The following DHX37 variants were observed in gnomAD, a reference collection of about 807,000 sequenced individuals.
DHX37 encodes the protein probable ATP-dependent RNA helicase DHX37.
In DHX37, 52 loss-of-function variants were observed where a neutral mutation model predicts 134.3. The ratio of observed to expected loss-of-function variants is 0.39; its 90% CI spans 0.31 to 0.49. The LOEUF (loss-of-function observed/expected upper bound fraction) is 0.49. DHX37 is among the 20% of genes least tolerant of loss of function. The pLI is 0.93. For synonymous variants in DHX37, 634 were observed against 670.7 expected (o/e 0.95, Z 0.85); for missense variants, 1,344 against 1,580.8 (o/e 0.85, Z 2.54).
chr12:124,954,824 G>C (rs1445434115), intron 18 of DHX37, among the ~76,000 whole-genome samples: 1 of 152,208 alleles, frequency 6.6e-6, no homozygotes, highest in Non-Finnish European at 1.5e-5. Flanking sequence ...TAACATATGT[G>C]TCAGGCACGG....
chr12:124,986,334 C>G, intron 1 of DHX37, 69 bp from the exon 2 acceptor site: 1 of 1,567,950 alleles, frequency 6.4e-7, no homozygotes, highest in Non-Finnish European at 8.6e-7. Flanking sequence ...CCACAAGCCC[C>G]CTGACTTGCA....
At chr12:124,986,585 C>A (rs1954877914) in intron 1 of DHX37, among the ~76,000 whole-genome samples, 1 of 151,792 alleles carries the variant, frequency 6.6e-6, no homozygotes, top group South Asian at 2.1e-4. Flanking sequence ...GTGGTGGGTG[C>A]CTGCAATCCC....
At chr12:124,968,752 C>A (rs778796157) in intron 9 of DHX37, 104 bp from the exon 10 acceptor site, 8 of 1,598,438 alleles carry the variant, frequency 5.0e-6, no homozygotes, top group Non-Finnish European at 6.0e-6. Context: ...TCTAACACCC[C>A]CTCCAAGCTG....
chr12:124,968,398 A>G lies in DHX37; in HGVS notation c.1408+136T>C, dbSNP rs539281728. 246 of 1,422,824 alleles carry G rather than the reference A, an allele frequency of 1.7e-4. 1 individual carries two copies. The highest frequency in any genetic ancestry group is 1.9e-4 in the Non-Finnish European group (199 of 1,057,054). 88.1% of individuals were successfully genotyped at this position (1,422,824 alleles called of 1,614,324 possible). A position where few individuals can be genotyped will look rare whatever the true frequency, so the allele number is the denominator to read the frequency against. ...AGACAGGTGTCATGAACACTCTGGA[A>G]TAAGTGAGGAAGCCGAGGCCTGGCA... On this transcript the variant is annotated intron_variant, in intron 10 of 26. Transcript: ENST00000308736.
In DHX37 at chr12:124,964,077, C is replaced by T. The variant is rs141686208; in HGVS notation, c.2045+317G>A. On this transcript the variant is annotated intron_variant, in intron 15 of 26. Coordinates refer to ENST00000308736, the MANE Select transcript of DHX37 (RefSeq NM_032656.4). The stretch of plus-strand genomic sequence containing the variant: ...GGGCGTGGTGGCGCACACCAGTAAT[C>T]CCAGCTATTTGGGAGGCTAAGGCAG... 3.5e-3 allele frequency among the ~76,000 whole-genome samples: 530 copies of T among 151,592 alleles called. 1 individual carries two copies. Among genetic ancestry groups the T allele is most frequent in the Admixed American group, 5.8e-3 (88 of 15,196 alleles).
intron 21 of DHX37, among the ~76,000 whole-genome samples, chr12:124,951,236 A>C (rs556107722): frequency 2.0e-5 from 3 of 150,952 alleles, no homozygotes; most frequent in Non-Finnish European, 4.4e-5. Context: ...AGCTGAGATC[A>C]CGCCATTGCA....
rs143719254 is a variant in DHX37 at position 124,984,425 on chromosome 12, C to T, written c.276+1671G>A. 8.9e-4 allele frequency among the ~76,000 whole-genome samples: 136 copies of T among 152,056 alleles called. 1 individual carries two copies. The highest frequency in any genetic ancestry group is 2.8e-3 in the African/African-American group (118 of 41,502). On this transcript the variant is annotated intron_variant, in intron 2 of 26. Transcript: ENST00000308736. Reference sequence around the variant, plus strand: ...GTGCATGCCTGTAATCCCAGCTACTCGGGAGGCTGAGGCAGGAGAATCACT... The same window carrying T: ...GTGCATGCCTGTAATCCCAGCTACTTGGGAGGCTGAGGCAGGAGAATCACT...
In DHX37 at chr12:124,966,817, G is replaced by T; in HGVS notation, c.1566C>A (p.Ala522=). 3.1e-6 allele frequency: 5 copies of T among 1,614,226 alleles called. No individual in the cohort carries two copies. Among genetic ancestry groups the T allele is most frequent in the Non-Finnish European group, 4.2e-6 (5 of 1,180,038 alleles). The change falls in exon 12 of 27, where the codon GCC becomes GCA. Residue 522 remains alanine (A), a synonymous_variant. Coordinates refer to ENST00000308736, the MANE Select transcript of DHX37 (RefSeq NM_032656.4). ...EEMRKFKKSR[A]RAKKARAEVL... is the part of the protein sequence containing the mutation. ...CCTCAGCCCGCGCCTTCTTGGCCCTGGCCCTTGACTTCTTAAACTTCCGCA... is the reference window on the plus strand; with the variant it reads ...CCTCAGCCCGCGCCTTCTTGGCCCTTGCCCTTGACTTCTTAAACTTCCGCA...
At chr12:124,969,587 A>G (rs1321754902) in intron 8 of DHX37, among the ~76,000 whole-genome samples, 1 of 151,148 alleles carries the variant, frequency 6.6e-6, no homozygotes. Flanking sequence ...GCCACTCTAG[A>G]CTTCCTGATG....
chr12:124,957,507 C>A (rs904093093), intron 16 of DHX37, among the ~76,000 whole-genome samples: 2 of 152,198 alleles, frequency 1.3e-5, no homozygotes, highest in Non-Finnish European at 2.9e-5. Context: ...ATAAATTGGC[C>A]TGGTGCGGTG....
At chr12:124,981,682 G>A (rs578116775) in intron 3 of DHX37, among the ~76,000 whole-genome samples, 4 of 151,910 alleles carry the variant, frequency 2.6e-5, no homozygotes, top group African/African-American at 7.2e-5. Context: ...TGATCCACCC[G>A]CCTCGGCCTC....
intron 6 of DHX37, among the ~76,000 whole-genome samples, chr12:124,973,016 C>T (rs1954551070): frequency 1.3e-5 from 2 of 152,204 alleles, no homozygotes; most frequent in African/African-American, 4.8e-5. Context: ...GTGGTGTGCA[C>T]CTGTAGTCCC....
chr12:124,951,173 T>C (rs7971610), intron 21 of DHX37, among the ~76,000 whole-genome samples: 87,716 of 151,514 alleles, frequency 0.58, 26,178 homozygotes, highest in East Asian at 0.84. Context: ...CCCAGCTACT[T>C]GGGAGGCTGA....
chr12:124,983,440 C>G (rs910382694), intron 2 of DHX37, among the ~76,000 whole-genome samples: 1 of 151,020 alleles, frequency 6.6e-6, no homozygotes. Context: ...CACACACACA[C>G]ACACAGAACA....
chr12:124,947,821 G>C lies in DHX37; in HGVS notation c.3455C>G (p.Pro1152Arg). Reference sequence around the variant, plus strand: ...TTCTGGTCAGTGGACAGTGGTGGGGGGCCAGGCTTTCTCGATATCGGGGTG... The same window carrying C: ...TTCTGGTCAGTGGACAGTGGTGGGGCGCCAGGCTTTCTCGATATCGGGGTG... ...AMHPDIEKAW[P>R]PTTVH Residue 1152 changes from proline to arginine, a missense_variant, in exon 27 of 27, where the codon CCC becomes CGC. Physicochemically the swap from Pro to Arg is moderately radical, Grantham distance 103. This residue lies in a region of DHX37 where 558 missense variants were observed against 650.0 expected (regional missense o/e 0.86). Transcript: ENST00000308736. The C allele has an allele frequency of 6.3e-7, 1 of 1,594,336 alleles. No individual in the cohort carries two copies. Among genetic ancestry groups the C allele is most frequent in the Non-Finnish European group, 8.6e-7 (1 of 1,169,268 alleles).
intron 8 of DHX37, 147 bp downstream of exon 8, chr12:124,971,155 A>G: frequency 7.6e-7 from 1 of 1,314,460 alleles, no homozygotes; most frequent in Non-Finnish European, 1.0e-6. Context: ...GCCTAGACCT[A>G]GGCCCAGGGA....
intron 13 of DHX37, 100 bp downstream of exon 13, chr12:124,965,568 G>C: frequency 6.9e-7 from 1 of 1,456,128 alleles, no homozygotes; most frequent in Non-Finnish European, 9.1e-7. Flanking sequence ...CGGGGACAAA[G>C]CTGCTAGAAC....
At chr12:124,954,748 G>T (rs1310081966) in intron 18 of DHX37, among the ~76,000 whole-genome samples, 1 of 152,200 alleles carries the variant, frequency 6.6e-6, no homozygotes, top group African/African-American at 2.4e-5. Context: ...TTAAATAGCT[G>T]CCAAGGGTGG....
At chr12:124,950,302 T>A (rs1232896823) in intron 23 of DHX37, 59 bp from the exon 24 acceptor site, 1 of 1,608,046 alleles carries the variant, frequency 6.2e-7, no homozygotes, top group East Asian at 2.2e-5. Context: ...CCGAGTCCCA[T>A]CCCTGCCCCA....
Sources: allele counts gnomAD v4.1 joint callset (sites outside exome capture counted in the v4.1 genomes callset), GRCh38; gene constraint gnomAD v4.1.1; regional missense constraint gnomAD v4.1.1; transcripts MANE v1.5; gene names NCBI Gene and HGNC (gene_info 2026-07-23, HGNC 2026-07-21).